ZNF516: variants seen among roughly 807,000 people sequenced by gnomAD.
ZNF516 encodes zinc finger protein 516.
A neutral mutation model predicts 79.7 loss-of-function variants in ZNF516; 19 were observed. The observed-to-expected ratio is 0.24, with a 90% CI of 0.17 to 0.35. ZNF516 has a LOEUF of 0.35. ZNF516 is among the 10% of genes least tolerant of loss of function. The probability of loss-of-function intolerance (pLI) is 1.00; values close to 1 mark genes in which losing one functional copy is unlikely to be tolerated. For synonymous variants in ZNF516, 877 were observed against 739.5 expected, an observed-to-expected ratio of 1.19 and a Z score of -3.02; for missense variants, 1,678 against 1,679.5, an observed-to-expected ratio of 1.00 and a Z score of 0.02.
intron 3 of ZNF516, among the ~76,000 whole-genome samples, chr18:76,417,598 C>T (rs564889143): frequency 1.3e-5 from 2 of 152,256 alleles, no homozygotes; most frequent in African/African-American, 4.8e-5. Flanking sequence ...TCTGATACTG[C>T]TTTGTTACTG....
intron 1 of ZNF516, among the ~76,000 whole-genome samples, chr18:76,491,286 C>T (rs1378836719): frequency 3.3e-4 from 13 of 39,660 alleles, no homozygotes; most frequent in African/African-American, 6.3e-4. Flanking sequence ...CCGGCCCCGG[C>T]CCCGGCCCCG....
At chr18:76,475,870 T>TA (rs1444371999) in intron 1 of ZNF516, among the ~76,000 whole-genome samples, 3 of 152,266 alleles carry the variant, frequency 2.0e-5, no homozygotes, top group African/African-American at 7.2e-5. Flanking sequence ...AAAATGTATA[T>TA]ATTTAAAGAT....
intron 3 of ZNF516, among the ~76,000 whole-genome samples, chr18:76,391,245 T>C (rs1360296026): frequency 1.3e-5 from 2 of 152,092 alleles, no homozygotes; most frequent in Admixed American, 6.5e-5. Flanking sequence ...AGGAGGGTAC[T>C]ACCATAAGCA....
intron 3 of ZNF516, among the ~76,000 whole-genome samples, chr18:76,406,052 C>T (rs1568265973): frequency 6.6e-6 from 1 of 152,172 alleles, no homozygotes; most frequent in Admixed American, 6.5e-5. Context: ...CAGCTGTCAT[C>T]AGACGACAGC....
At chr18:76,396,314 T>A (rs918982088) in intron 3 of ZNF516, among the ~76,000 whole-genome samples, 2 of 152,152 alleles carry the variant, frequency 1.3e-5, no homozygotes, top group East Asian at 3.9e-4. Flanking sequence ...TCTATCCAAA[T>A]GACACTGAGG....
chr18:76,488,335 C>T, intron 1 of ZNF516: 2 of 807,114 alleles, frequency 2.5e-6, no homozygotes, highest in Non-Finnish European at 3.0e-6. Context: ...TCGCAGGCAG[C>T]CAGGAAAGGC....
intron 6 of ZNF516, among the ~76,000 whole-genome samples, chr18:76,368,010 AG>A (rs980299782): frequency 2.0e-5 from 3 of 152,250 alleles, no homozygotes; most frequent in African/African-American, 7.2e-5. Flanking sequence ...TAAAGCCCAC[AG>A]GAAAAGAATC....
chr18:76,382,358 A>G (rs1280632680), intron 3 of ZNF516, among the ~76,000 whole-genome samples: 1 of 152,194 alleles, frequency 6.6e-6, no homozygotes, highest in Admixed American at 6.5e-5. Flanking sequence ...ATTTCTAAAT[A>G]TTCGAAAAAG....
At chr18:76,489,125 A>G (rs535000422) in intron 1 of ZNF516, among the ~76,000 whole-genome samples, 99 of 152,342 alleles carry the variant, frequency 6.5e-4, no homozygotes, top group African/African-American at 2.2e-3. Context: ...CAGACTTACA[A>G]CCACTCCCAC....
chr18:76,412,275 G>A (rs529701468), intron 3 of ZNF516, among the ~76,000 whole-genome samples: 20 of 152,296 alleles, frequency 1.3e-4, no homozygotes, highest in East Asian at 1.9e-4. Context: ...ACACCCTGGC[G>A]ATGCTCTCCT....
In ZNF516 at chr18:76,376,795, G is replaced by C. The variant is rs781004311; in HGVS notation, c.3259+2060C>G. Among the ~76,000 whole-genome samples the C allele has an allele frequency of 2.0e-4, 30 of 152,138 alleles. 1 individual carries two copies. The highest frequency in any genetic ancestry group is 3.5e-4 in the Non-Finnish European group (24 of 68,024). On this transcript the variant is annotated intron_variant, in intron 4 of 6. Transcript: ENST00000443185. ...ACCTAGGGTGCACGCAGGCTGGAGG[G>C]CATGATTAATTAAAACTATGAGTCC... is the stretch of plus-strand genomic sequence containing the variant.
intron 3 of ZNF516, among the ~76,000 whole-genome samples, chr18:76,404,232 CA>C (rs1408957747): frequency 7.9e-5 from 12 of 152,396 alleles, no homozygotes; most frequent in African/African-American, 2.6e-4. Context: ...ACCCCAGAGC[CA>C]GGGGGGTCCC....
intron 3 of ZNF516, among the ~76,000 whole-genome samples, chr18:76,439,198 C>T (rs966747102): frequency 6.6e-6 from 1 of 152,214 alleles, no homozygotes; most frequent in Non-Finnish European, 1.5e-5. Flanking sequence ...CAATGGAACA[C>T]GGTCTCTCTC....
rs1016548788 is a variant in ZNF516, at chr18:76,359,478, C to T, written c.*3020G>A. On this transcript the variant is annotated 3_prime_UTR_variant, in exon 7 of 7. Transcript: ENST00000443185. ...TATTCATTCTTCAAATTAAGGAATA[C>T]AAGTGAACAACCTGAAAAGATTTTT... 1.2e-4 allele frequency: 18 copies of T among 152,086 alleles called. No homozygotes were observed. The highest frequency in any genetic ancestry group is 1.2e-4 in the Non-Finnish European group (8 of 68,010). 9.4% of individuals were successfully genotyped at this position (152,086 alleles called of 1,614,324 possible).
intron 1 of ZNF516, chr18:76,490,319 CA>C (rs1915093656): frequency 2.9e-6 from 1 of 341,548 alleles, no homozygotes; most frequent in Admixed American, 6.5e-5. Context: ...GACCCATGCA[CA>C]ATAGTGGTAT....
At chr18:76,449,195 C>T (rs1294513556) in intron 2 of ZNF516, among the ~76,000 whole-genome samples, 1 of 152,196 alleles carries the variant, frequency 6.6e-6, no homozygotes, top group Non-Finnish European at 1.5e-5. Context: ...AGTCTCCCAG[C>T]CCTTCAGAGG....
chr18:76,485,318 TATTTTCTCAAAC>T (rs1348983682), intron 1 of ZNF516, among the ~76,000 whole-genome samples: 19 of 152,216 alleles, frequency 1.2e-4, no homozygotes, highest in African/African-American at 4.3e-4. Flanking sequence ...TGAATGATGG[TATTTTCTCAAAC>T]TGGCATAAAA....
Position 76,442,820 on chromosome 18 carries a change from T to A in ZNF516, c.235A>T (p.Ile79Phe). 1 of 1,612,548 alleles carries A rather than the reference T, an allele frequency of 6.2e-7. No individual in the cohort carries two copies. Among genetic ancestry groups the A allele is most frequent in the Non-Finnish European group, 8.5e-7 (1 of 1,179,280 alleles). Residue 79 changes from isoleucine to phenylalanine, a missense_variant, in exon 3 of 7, where the codon ATT becomes TTT. Coordinates refer to ENST00000443185, the MANE Select transcript of ZNF516 (RefSeq NM_014643.4). ...HRASQKGNLK[I>F]HIRSHRTGTL... ...CCCGTGCGGTGGCTCCGGATGTGAA[T>A]CTTCAGGTTGCCCTTCTGGGAAGCC...
rs535027188 is a variant in ZNF516, at chr18:76,443,108, G to A, written c.-54C>T. 154 of 1,522,954 alleles carry A rather than the reference G, an allele frequency of 1.0e-4. 3 individuals are homozygous for A. The South Asian group carries it at 1.8e-3, about 18-fold the overall frequency. The allele number at this position is 1,522,954 out of a possible 1,614,324, so 94.3% of individuals were successfully genotyped here. A position where few individuals can be genotyped will look rare whatever the true frequency, so the allele number is the denominator to read the frequency against. On this transcript the variant is annotated 5_prime_UTR_variant, in exon 3 of 7. Transcript: ENST00000443185. ...GGCACAGCTTTCTGTCGCGCGGGCT[G>A]CAGGGACCGTCCTATCTCTCCATGG...
Sources: allele counts gnomAD v4.1 joint callset (sites outside exome capture counted in the v4.1 genomes callset), GRCh38; gene constraint gnomAD v4.1.1; transcripts MANE v1.5; gene names NCBI Gene and HGNC (gene_info 2026-07-23, HGNC 2026-07-21).